Variants in SPIDR observed in about 807,000 individuals in gnomAD.
SPIDR encodes scaffold protein involved in DNA repair.
Under a neutral mutation model 104.6 loss-of-function variants are expected in SPIDR, and 93 were observed. That is an observed-to-expected ratio of 0.89 (90% CI 0.75 to 1.06). The LOEUF (loss-of-function observed/expected upper bound fraction) is 1.06, where lower values mean the gene tolerates loss of function less well. SPIDR is among the 50% of genes least tolerant of loss of function. The pLI is 0.00. For synonymous variants in SPIDR, 431 were observed against 416.9 expected (o/e 1.03, Z -0.41); for missense variants, 1,154 against 1,111.2 (o/e 1.04, Z -0.55).
chr8:47,379,212 G>A (rs2059033507), intron 5 of SPIDR, among the ~76,000 whole-genome samples: 1 of 152,312 alleles, frequency 6.6e-6, no homozygotes, highest in Non-Finnish European at 1.5e-5. Context: ...AGGAATGCCT[G>A]TGGGCTGTCA....
At chr8:47,263,986 T>A (rs1310818721) in intron 1 of SPIDR, among the ~76,000 whole-genome samples, 2 of 152,370 alleles carry the variant, frequency 1.3e-5, no homozygotes, top group African/African-American at 4.8e-5. Context: ...CCCTTGTATG[T>A]ACTAGATATC....
At position 47,407,981 on chromosome 8, in the gene SPIDR, C is replaced by A; in HGVS notation, c.877+20C>A. 2.2e-6 allele frequency: 3 copies of A among 1,372,466 alleles called. No homozygotes were observed. The highest frequency in any genetic ancestry group is 2.4e-5 in the East Asian group (1 of 41,458). The allele number at this position is 1,372,466 out of a possible 1,614,324, so 85.0% of individuals were successfully genotyped here. On this transcript the variant is annotated intron_variant, in intron 7 of 19. Transcript: ENST00000297423. ...TTTCAGGTAAGGCTTGTGCAGGAAT[C>A]TGAGACAATGTGTAAAAAAATATTT...
chr8:47,498,519 T>C (rs548205516), intron 8 of SPIDR, among the ~76,000 whole-genome samples: 1 of 152,272 alleles, frequency 6.6e-6, no homozygotes, highest in South Asian at 2.1e-4. Context: ...GCTTTCAGTG[T>C]TTATGACCTT....
chr8:47,604,112 C>T (rs1371334246), intron 10 of SPIDR, among the ~76,000 whole-genome samples: 1 of 152,098 alleles, frequency 6.6e-6, no homozygotes, highest in African/African-American at 2.4e-5. Flanking sequence ...TTTATGATTA[C>T]AAGTTGCAAT....
intron 5 of SPIDR, among the ~76,000 whole-genome samples, chr8:47,371,512 C>T (rs1474732905): frequency 2.0e-5 from 3 of 152,112 alleles, no homozygotes; most frequent in African/African-American, 7.2e-5. Flanking sequence ...TTGCAGTCTG[C>T]CAACTTCTCA....
chr8:47,712,667 G>C lies in SPIDR; in HGVS notation c.1983G>C (p.Lys661Asn), dbSNP rs755226845. Residue 661 changes from lysine (K) to asparagine (N), a missense_variant, in exon 15 of 20, where the codon AAG (lysine) becomes AAC (asparagine). Transcript: ENST00000297423. ...ATTGTGTCTTCAAATTGTAGCTGAA[G>C]AGTCTGCTGCTTCTGGAGCAAAGGG... ...ATVIYQKPQL[K>N]SLLLLEQREI... The C allele has an allele frequency of 6.2e-7, 1 of 1,613,552 alleles. No homozygotes were observed. The highest frequency in any genetic ancestry group is 8.5e-7 in the Non-Finnish European group (1 of 1,179,768).
chr8:47,562,481 C>G (rs4873159), intron 8 of SPIDR, among the ~76,000 whole-genome samples: 11 of 152,160 alleles, frequency 7.2e-5, no homozygotes, highest in Non-Finnish European at 1.2e-4. Flanking sequence ...TCTCTCTCCT[C>G]TGCACCCTCG....
At position 47,713,554 on chromosome 8, in the gene SPIDR, G is replaced by A; in HGVS notation, c.2254G>A (p.Gly752Ser). ...GAAGCCCCTTTTGAGTGTGGTCTCT[G>A]GTGCAAGTTCCTGTGAGCTGCCTGG... ...LQKPLLSVVS[G>S]ASSCELPGPV... Residue 752 changes from glycine (G) to serine (S), a missense_variant, in exon 16 of 20, where the codon GGT becomes AGT. By Grantham distance (56) the Gly-to-Ser change is moderately conservative. Coordinates refer to ENST00000297423, the MANE Select transcript of SPIDR (RefSeq NM_001080394.4). The A allele has an allele frequency of 6.2e-7, 1 of 1,614,166 alleles. No individual in the cohort carries two copies. Among genetic ancestry groups the A allele is most frequent in the South Asian group, 1.1e-5 (1 of 91,084 alleles).
At chr8:47,292,725 C>T (rs1548128) in intron 4 of SPIDR, among the ~76,000 whole-genome samples, 1 of 151,888 alleles carries the variant, frequency 6.6e-6, no homozygotes, top group Non-Finnish European at 1.5e-5. Context: ...CGAAAGCCCC[C>T]GTTATTTCAT....
In SPIDR at chr8:47,407,846, T is replaced by C. The variant is rs370282401; in HGVS notation, c.777-15T>C. 1.9e-5 allele frequency: 29 copies of C among 1,512,210 alleles called. No homozygotes were observed. Among genetic ancestry groups the C allele is most frequent in the African/African-American group, 2.8e-5 (2 of 72,658 alleles). 93.7% of individuals were successfully genotyped at this position (1,512,210 alleles called of 1,614,324 possible). A position where few individuals can be genotyped will look rare whatever the true frequency, so the allele number is the denominator to read the frequency against. ...CCTTTTAACTAAACTTAATACATTA[T>C]AATTCATTAAACAGAGGTGGACTAG... is the stretch of plus-strand genomic sequence containing the variant. On this transcript the variant is annotated splice_polypyrimidine_tract_variant and intron_variant, in intron 6 of 19. Transcript: ENST00000297423.
At chr8:47,470,352 G>A (rs1353065838) in intron 8 of SPIDR, among the ~76,000 whole-genome samples, 3 of 152,038 alleles carry the variant, frequency 2.0e-5, no homozygotes, top group African/African-American at 7.3e-5. Flanking sequence ...GCAGCGACAC[G>A]ATCTCGGCTC....
At chr8:47,730,694 G>C (rs1337166247) in intron 19 of SPIDR, among the ~76,000 whole-genome samples, 2 of 152,036 alleles carry the variant, frequency 1.3e-5, no homozygotes, top group Non-Finnish European at 2.9e-5. Context: ...CGATCCCCCT[G>C]CCTCAGCCTC....
rs189028963 is a variant in SPIDR, at chr8:47,710,399, C to A, written c.1978-2263C>A. Among the ~76,000 whole-genome samples, 22 of 151,978 alleles carry A rather than the reference C, an allele frequency of 1.4e-4. No individual in the cohort carries two copies. The East Asian group carries it at 2.3e-3, about 16-fold the overall frequency. On this transcript the variant is annotated intron_variant, in intron 14 of 19. Transcript: ENST00000297423. ...AGTATTTACAAAGAGCATATAAAAT[C>A]TTTGGAGGTTGTCAGAACTCCCACC... is the stretch of plus-strand genomic sequence containing the variant.
At chr8:47,639,489 C>G (rs1348780377) in intron 10 of SPIDR, among the ~76,000 whole-genome samples, 1 of 152,124 alleles carries the variant, frequency 6.6e-6, no homozygotes, top group Admixed American at 6.5e-5. Context: ...TTGTTTTTGA[C>G]TTTTAGTTGT....
chr8:47,630,139 A>G (rs2066831043), intron 10 of SPIDR, among the ~76,000 whole-genome samples: 1 of 152,248 alleles, frequency 6.6e-6, no homozygotes, highest in Non-Finnish European at 1.5e-5. Flanking sequence ...AATATGTTAA[A>G]TTACAAAATA....
At chr8:47,733,349 T>C (rs1229129738) in intron 19 of SPIDR, among the ~76,000 whole-genome samples, 1 of 152,088 alleles carries the variant, frequency 6.6e-6, no homozygotes, top group African/African-American at 2.4e-5. Flanking sequence ...CTCACACCAC[T>C]CCATTCCAGC....
intron 3 of SPIDR, among the ~76,000 whole-genome samples, chr8:47,286,288 A>G (rs2154231755): frequency 6.6e-6 from 1 of 152,310 alleles, no homozygotes; most frequent in Non-Finnish European, 1.5e-5. Context: ...CAGGCACCAC[A>G]GCTGCTGGCT....
At chr8:47,553,071 A>T (rs1564314128) in intron 8 of SPIDR, among the ~76,000 whole-genome samples, 1 of 152,268 alleles carries the variant, frequency 6.6e-6, no homozygotes, top group African/African-American at 2.4e-5. Context: ...CTTTTCTTTA[A>T]GAATGTTGAA....
intron 11 of SPIDR, among the ~76,000 whole-genome samples, chr8:47,689,739 CTG>C (rs2078354820): frequency 6.6e-6 from 1 of 152,224 alleles, no homozygotes. Context: ...CTCTCCGTGA[CTG>C]GGGGTGGCAT....
Sources: gnomAD v4.1 joint callset for allele counts (sites outside exome capture counted in the v4.1 genomes callset) on GRCh38, gnomAD v4.1.1 for gene constraint, MANE v1.5 for transcripts, NCBI Gene and HGNC (gene_info 2026-07-23, HGNC 2026-07-21) for gene names.